The following AFG2A variants were observed in gnomAD, a reference collection of about 807,000 sequenced individuals.
AFG2A encodes the protein AAA ATPase AFG2A.
At chr4:123,068,428 A>G in the AFG2A span, among the ~76,000 whole-genome samples, 23 of 152,210 alleles carry the variant, frequency 1.5e-4, no homozygotes, top group Admixed American at 1.5e-3. Flanking sequence ...CCTACAACAA[A>G]GAGCAAATTG....
At chr4:123,117,246 A>T in the AFG2A span, among the ~76,000 whole-genome samples, 1 of 152,058 alleles carries the variant, frequency 6.6e-6, no homozygotes, top group Admixed American at 6.6e-5. Flanking sequence ...CATTTCATAA[A>T]GGAGCTCTTG....
the AFG2A span, among the ~76,000 whole-genome samples, chr4:123,218,781 G>A: frequency 6.6e-6 from 1 of 152,056 alleles, no homozygotes; most frequent in African/African-American, 2.4e-5. Context: ...TGCATTAAAG[G>A]ATTAAATCAC....
the AFG2A span, among the ~76,000 whole-genome samples, chr4:123,156,058 C>T: frequency 2.6e-5 from 4 of 152,032 alleles, no homozygotes; most frequent in Non-Finnish European, 4.4e-5. Flanking sequence ...CTTTTACTTA[C>T]GGTAGAAGGC....
At chr4:123,105,315 GA>G in the AFG2A span, among the ~76,000 whole-genome samples, 8 of 150,604 alleles carry the variant, frequency 5.3e-5, no homozygotes, top group Admixed American at 1.3e-4. Context: ...TATTGCTGAG[GA>G]AAAAAAAAGA....
the AFG2A span, among the ~76,000 whole-genome samples, chr4:123,166,910 G>T: frequency 2.0e-5 from 3 of 151,984 alleles, no homozygotes; most frequent in Non-Finnish European, 4.4e-5. Context: ...TTATAGAAAG[G>T]AGTATATACT....
At chr4:123,070,407 A>G in the AFG2A span, among the ~76,000 whole-genome samples, 2 of 152,292 alleles carry the variant, frequency 1.3e-5, no homozygotes, top group South Asian at 2.1e-4. Context: ...TTATAACAGC[A>G]TAATTTAGTC....
the AFG2A span, among the ~76,000 whole-genome samples, chr4:123,198,584 A>C: frequency 1.6e-4 from 24 of 152,180 alleles, no homozygotes; most frequent in Non-Finnish European, 2.9e-4. Context: ...CTAGGACTTA[A>C]CACAGTCCTA....
At chr4:122,981,714 G>A in the AFG2A span, among the ~76,000 whole-genome samples, 1 of 151,848 alleles carries the variant, frequency 6.6e-6, no homozygotes, top group African/African-American at 2.4e-5. Flanking sequence ...ATAGTTTTCA[G>A]TGTACAGGTC....
chr4:123,082,538 T>C, the AFG2A span, among the ~76,000 whole-genome samples: 1 of 150,490 alleles, frequency 6.6e-6, no homozygotes, highest in African/African-American at 2.4e-5. Flanking sequence ...TTTTTTTTTT[T>C]GGTCACTACC....
At chr4:123,107,541 G>C in the AFG2A span, among the ~76,000 whole-genome samples, 1 of 151,862 alleles carries the variant, frequency 6.6e-6, no homozygotes, top group Non-Finnish European at 1.5e-5. Flanking sequence ...CTCACTCTGG[G>C]CCGAGGTCTC....
chr4:123,165,010 A>G, the AFG2A span, among the ~76,000 whole-genome samples: 1 of 152,194 alleles, frequency 6.6e-6, no homozygotes, highest in Non-Finnish European at 1.5e-5. Flanking sequence ...ATAGATGGTT[A>G]TAATCTCAGA....
chr4:123,275,406 A>G, the AFG2A span, among the ~76,000 whole-genome samples: 2 of 152,154 alleles, frequency 1.3e-5, no homozygotes, highest in Non-Finnish European at 2.9e-5. Context: ...AGCAAGGAAA[A>G]TGACCTGGAG....
chr4:123,076,207 G>A, the AFG2A span, among the ~76,000 whole-genome samples: 2 of 152,078 alleles, frequency 1.3e-5, no homozygotes, highest in Non-Finnish European at 2.9e-5. Context: ...GTTTGAGGCT[G>A]CAGTGAGCCA....
the AFG2A span, among the ~76,000 whole-genome samples, chr4:122,953,935 T>C: frequency 6.6e-6 from 1 of 152,218 alleles, no homozygotes; most frequent in African/African-American, 2.4e-5. Flanking sequence ...ATACCATTGG[T>C]TGAGTGCAGA....
the AFG2A span, among the ~76,000 whole-genome samples, chr4:123,169,785 C>A: frequency 6.6e-6 from 1 of 152,060 alleles, no homozygotes; most frequent in Non-Finnish European, 1.5e-5. Context: ...CCGGCCTGTT[C>A]TATATTATTT....
chr4:123,252,483 AT>A, the AFG2A span, among the ~76,000 whole-genome samples: 1 of 152,160 alleles, frequency 6.6e-6, no homozygotes, highest in African/African-American at 2.4e-5. Flanking sequence ...TTCTTACGTG[AT>A]TTTTTCCAAA....
chr4:122,979,300 G>A, the AFG2A span: 1 of 1,614,206 alleles, frequency 6.2e-7, no homozygotes, highest in South Asian at 1.1e-5. Flanking sequence ...GGCTGGACTG[G>A]TGAAGATTAC....
At chr4:122,971,363 C>T in the AFG2A span, among the ~76,000 whole-genome samples, 4 of 152,158 alleles carry the variant, frequency 2.6e-5, no homozygotes, top group Non-Finnish European at 4.4e-5. Context: ...GCTGAGATTG[C>T]ACCACTACAC....
chr4:123,045,843 C>T, the AFG2A span, among the ~76,000 whole-genome samples: 2 of 152,002 alleles, frequency 1.3e-5, no homozygotes, highest in African/African-American at 2.4e-5. Context: ...TGCCTGTAAT[C>T]CCAGCACTTT....
Sources: gnomAD v4.1 joint callset for allele counts (sites outside exome capture counted in the v4.1 genomes callset) on GRCh38, gnomAD v4.1.1 for gene constraint, MANE v1.5 for transcripts, NCBI Gene and HGNC (gene_info 2026-07-23, HGNC 2026-07-21) for gene names.